Variants in SUPT3H observed in about 807,000 individuals in gnomAD.
SUPT3H encodes SPT3 homolog, SAGA and STAGA complex component.
SUPT3H carries 44 observed loss-of-function variants against 44.3 expected under a neutral mutation model. The observed-to-expected ratio is 0.99, with a 90% CI of 0.78 to 1.28. The LOEUF (loss-of-function observed/expected upper bound fraction) is 1.28, where lower values mean the gene tolerates loss of function less well. SUPT3H is among the 50% of genes most tolerant of loss of function. The pLI is 0.00. For synonymous variants in SUPT3H, 124 were observed against 125.6 expected (o/e 0.99, Z 0.09); for missense variants, 380 against 387.1 (o/e 0.98, Z 0.15).
chr6:44,922,802 T>C (rs1176782980), intron 10 of SUPT3H, among the ~76,000 whole-genome samples: 1 of 152,174 alleles, frequency 6.6e-6, no homozygotes, highest in Non-Finnish European at 1.5e-5. Flanking sequence ...TCATAGACTT[T>C]AAAGAAGTTT....
At chr6:44,845,605 C>T (rs1242123007) in intron 10 of SUPT3H, among the ~76,000 whole-genome samples, 6 of 152,148 alleles carry the variant, frequency 3.9e-5, no homozygotes, top group Non-Finnish European at 7.3e-5. Context: ...TGGTCCACCA[C>T]GCCCCGATCC....
intron 2 of SUPT3H, among the ~76,000 whole-genome samples, chr6:45,169,714 T>C (rs907190639): frequency 8.5e-5 from 13 of 152,196 alleles, no homozygotes; most frequent in Admixed American, 8.5e-4. Context: ...ATGAGCAACG[T>C]TAATAAATCT....
At chr6:44,841,321 T>C (rs569962873) in intron 10 of SUPT3H, among the ~76,000 whole-genome samples, 3 of 152,236 alleles carry the variant, frequency 2.0e-5, no homozygotes, top group Admixed American at 1.3e-4. Context: ...ATTTGGTGAA[T>C]AGAATTTATT....
chr6:44,908,752 A>G (rs1032027606), intron 10 of SUPT3H, among the ~76,000 whole-genome samples: 4 of 152,064 alleles, frequency 2.6e-5, no homozygotes, highest in Non-Finnish European at 5.9e-5. Context: ...AATTCCTGAC[A>G]TATCAGACAT....
chr6:45,294,131 T>C (rs1288482185), intron 2 of SUPT3H, among the ~76,000 whole-genome samples: 1 of 152,080 alleles, frequency 6.6e-6, no homozygotes, highest in Non-Finnish European at 1.5e-5. Flanking sequence ...AAAAAGACAA[T>C]TCACTATGTT....
chr6:45,014,746 C>A (rs2153513984), intron 5 of SUPT3H, 55 bp downstream of exon 5: 1 of 1,264,668 alleles, frequency 7.9e-7, no homozygotes, highest in Non-Finnish European at 1.1e-6. Context: ...AATGTGTTAT[C>A]CAGCACACAT....
At chr6:44,904,886 C>A (rs1765728419) in intron 10 of SUPT3H, among the ~76,000 whole-genome samples, 1 of 152,166 alleles carries the variant, frequency 6.6e-6, no homozygotes, top group African/African-American at 2.4e-5. Context: ...ACCATCTGAA[C>A]TTTGACAAAC....
intron 10 of SUPT3H, among the ~76,000 whole-genome samples, chr6:44,903,114 A>T (rs1231563718): frequency 6.6e-6 from 1 of 152,230 alleles, no homozygotes; most frequent in Non-Finnish European, 1.5e-5. Flanking sequence ...CATCACAATT[A>T]AAAGAACTAG....
At chr6:45,160,677 C>T (rs1422260744) in intron 2 of SUPT3H, among the ~76,000 whole-genome samples, 1 of 150,270 alleles carries the variant, frequency 6.7e-6, no homozygotes, top group Non-Finnish European at 1.5e-5. Flanking sequence ...AAGTAAAGTA[C>T]AAAGGAAAAA....
intron 5 of SUPT3H, among the ~76,000 whole-genome samples, chr6:45,014,089 A>G (rs1583053415): frequency 6.6e-6 from 1 of 152,106 alleles, no homozygotes; most frequent in African/African-American, 2.4e-5. Flanking sequence ...GCCATTTCAG[A>G]AGTCCCACGT....
Position 45,253,315 on chromosome 6 carries a change from A to T in SUPT3H, c.101+111886T>A, listed in dbSNP as rs140988354. 8.7e-4 allele frequency among the ~76,000 whole-genome samples: 132 copies of T among 152,356 alleles called. 1 individual carries two copies. The highest frequency in any genetic ancestry group is 3.1e-3 in the African/African-American group (127 of 41,584). ...GAATTAGTCTGCCTGAAGTAAGGGC[A>T]GAGAGCTAGGCATCAAAAACCTATT... On this transcript the variant is annotated intron_variant, in intron 2 of 10. Coordinates refer to ENST00000371459, the MANE Select transcript of SUPT3H (RefSeq NM_003599.4).
At position 44,981,220 on chromosome 6, in the gene SUPT3H, G is replaced by A. The variant is rs1779050656; in HGVS notation, c.505-19392C>T. 3.3e-5 allele frequency among the ~76,000 whole-genome samples: 5 copies of A among 152,112 alleles called. No individual in the cohort carries two copies. In the East Asian group the frequency reaches 9.7e-4, roughly 29 times the overall value. Reference sequence around the variant, plus strand: ...AAGTGATTCCAAGAACAAGGAACTTGAAAGTAACAGAGAATATTTGCAGAG... The same window carrying A: ...AAGTGATTCCAAGAACAAGGAACTTAAAAGTAACAGAGAATATTTGCAGAG... On this transcript the variant is annotated intron_variant, in intron 6 of 10. Transcript: ENST00000371459.
At chr6:44,983,625 G>A (rs1449490018) in intron 6 of SUPT3H, among the ~76,000 whole-genome samples, 1 of 152,110 alleles carries the variant, frequency 6.6e-6, no homozygotes, top group Non-Finnish European at 1.5e-5. Context: ...AAATGAAAAT[G>A]GACTTGGGGT....
intron 6 of SUPT3H, 39 bp downstream of exon 6, chr6:45,003,614 A>G: frequency 6.2e-7 from 1 of 1,603,410 alleles, no homozygotes; most frequent in Non-Finnish European, 8.5e-7. Flanking sequence ...CACTGCAATG[A>G]TTGTTCTATT....
At chr6:44,989,619 C>T (rs1019463826) in intron 6 of SUPT3H, among the ~76,000 whole-genome samples, 6 of 152,120 alleles carry the variant, frequency 3.9e-5, no homozygotes, top group African/African-American at 1.4e-4. Flanking sequence ...TCCTTTCCCA[C>T]AAATAACGTA....
chr6:45,198,391 T>C (rs570244727), intron 2 of SUPT3H, among the ~76,000 whole-genome samples: 161 of 151,460 alleles, frequency 1.1e-3, no homozygotes, highest in Non-Finnish European at 1.9e-3. Context: ...ACTGGTGGCT[T>C]ATGGAACACA....
chr6:45,110,658 C>T (rs1175004342), intron 2 of SUPT3H, among the ~76,000 whole-genome samples: 1 of 152,008 alleles, frequency 6.6e-6, no homozygotes, highest in African/African-American at 2.4e-5. Flanking sequence ...GGTTAGTAAT[C>T]TATGCCAAGA....
At chr6:45,249,077 T>C (rs1004336603) in intron 2 of SUPT3H, among the ~76,000 whole-genome samples, 3 of 152,164 alleles carry the variant, frequency 2.0e-5, no homozygotes, top group Non-Finnish European at 4.4e-5. Context: ...CCACGTGATA[T>C]CGTTTCTAAA....
chr6:44,849,408 T>C (rs1463927038), intron 10 of SUPT3H, among the ~76,000 whole-genome samples: 3 of 151,212 alleles, frequency 2.0e-5, no homozygotes, highest in Non-Finnish European at 4.4e-5. Flanking sequence ...TTGTATTTTT[T>C]AGTAGAGACG....
Sources: allele counts gnomAD v4.1 joint callset (sites outside exome capture counted in the v4.1 genomes callset), GRCh38; gene constraint gnomAD v4.1.1; transcripts MANE v1.5; gene names NCBI Gene and HGNC (gene_info 2026-07-23, HGNC 2026-07-21).